Variants in OLFM3 observed in about 807,000 individuals in gnomAD.
OLFM3 encodes olfactomedin 3, also known as noelin-3.
OLFM3 carries 20 observed loss-of-function variants against 48.6 expected under a neutral mutation model. The ratio of observed to expected loss-of-function variants is 0.41; its 90% CI spans 0.29 to 0.60. The LOEUF is 0.60. Among genes scored for constraint, OLFM3 ranks in the 20% least tolerant of loss-of-function variants. OLFM3 has a pLI of 0.28. For synonymous variants in OLFM3, 222 were observed against 198.1 expected (o/e 1.12, Z -1.01); for missense variants, 437 against 544.3 (o/e 0.80, Z 1.96).
chr1:101,847,360 TAA>T (rs200193089), intron 1 of OLFM3, among the ~76,000 whole-genome samples: 1 of 145,216 alleles, frequency 6.9e-6, no homozygotes, highest in Non-Finnish European at 1.5e-5. Context: ...TATCTTTCAT[TAA>T]AAAAAAAAAA....
chr1:101,896,585 C>T (rs1185436477), intron 1 of OLFM3, among the ~76,000 whole-genome samples: 3 of 146,804 alleles, frequency 2.0e-5, no homozygotes, highest in African/African-American at 7.6e-5. Flanking sequence ...AACTCCGCCT[C>T]TCCGGTTCAC....
intron 4 of OLFM3, chr1:101,812,280 C>T (rs1442027617): frequency 7.1e-6 from 2 of 282,982 alleles, no homozygotes; most frequent in Non-Finnish European, 1.1e-5. Context: ...CACAGGTATA[C>T]ATATGTAACA....
chr1:101,880,648 T>A (rs1226388931), intron 1 of OLFM3, among the ~76,000 whole-genome samples: 1 of 151,794 alleles, frequency 6.6e-6, no homozygotes. Context: ...TAGAGGTAGT[T>A]GTTAATAATT....
At chr1:101,894,698 ATTTTATTTTAAATGT>A (rs1658133858) in intron 1 of OLFM3, among the ~76,000 whole-genome samples, 1 of 152,042 alleles carries the variant, frequency 6.6e-6, no homozygotes, top group Admixed American at 6.6e-5. Flanking sequence ...TTCCTCTTAA[ATTTTATTTTAAATGT>A]GTTTCAAAGT....
At chr1:101,960,992 G>A (rs901578855) in intron 1 of OLFM3, among the ~76,000 whole-genome samples, 27 of 152,146 alleles carry the variant, frequency 1.8e-4, no homozygotes, top group African/African-American at 6.0e-4. Flanking sequence ...AGAATAAGTT[G>A]AACAGAAAGA....
At chr1:101,947,597 G>A (rs1262053166) in intron 1 of OLFM3, among the ~76,000 whole-genome samples, 3 of 152,058 alleles carry the variant, frequency 2.0e-5, no homozygotes, top group Non-Finnish European at 4.4e-5. Flanking sequence ...TTGAGACATA[G>A]TAATTTTCTT....
At chr1:101,947,782 G>A (rs1043891990) in intron 1 of OLFM3, among the ~76,000 whole-genome samples, 1 of 152,154 alleles carries the variant, frequency 6.6e-6, no homozygotes, top group Non-Finnish European at 1.5e-5. Flanking sequence ...TTTTCGGTGA[G>A]TTATTTAACT....
rs1002420907 is a variant in OLFM3, at chr1:101,803,467, C to T, written c.*771G>A. The T allele has an allele frequency of 2.0e-5, 3 of 152,028 alleles. No homozygotes were observed. The Admixed American group carries it at 2.0e-4, about 10-fold the overall frequency. 9.4% of individuals were successfully genotyped at this position (152,028 alleles called of 1,614,324 possible). On this transcript the variant is annotated 3_prime_UTR_variant, in exon 6 of 6. Transcript: ENST00000370103. ...CAAAAAACTTGGGGTAAAATAAAGA[C>T]TCTATGTCAGGTGTCTGGTTTGGTT...
chr1:101,993,869 T>G (rs1039636332), intron 1 of OLFM3, among the ~76,000 whole-genome samples: 2 of 151,764 alleles, frequency 1.3e-5, no homozygotes, highest in African/African-American at 4.8e-5. Flanking sequence ...CAATACTGAC[T>G]TTCAAGTAAC....
intron 1 of OLFM3, among the ~76,000 whole-genome samples, chr1:101,861,928 G>C (rs1656672245): frequency 6.6e-6 from 1 of 152,198 alleles, no homozygotes; most frequent in Non-Finnish European, 1.5e-5. Context: ...AGATTGCACA[G>C]CAGAAGCATG....
At chr1:101,980,819 G>C (rs1051353337) in intron 1 of OLFM3, among the ~76,000 whole-genome samples, 1 of 151,992 alleles carries the variant, frequency 6.6e-6, no homozygotes, top group Admixed American at 6.5e-5. Flanking sequence ...GAAGAGAACT[G>C]GGCTAACTAA....
chr1:101,931,952 G>A (rs75059533), intron 1 of OLFM3, among the ~76,000 whole-genome samples: 2,356 of 152,206 alleles, frequency 0.015, 22 homozygotes, highest in African/African-American at 0.021. Context: ...ATCAACTAAA[G>A]GTGACCTACA....
At chr1:101,924,567 G>A (rs1344265803) in intron 1 of OLFM3, among the ~76,000 whole-genome samples, 1 of 152,088 alleles carries the variant, frequency 6.6e-6, no homozygotes, top group Admixed American at 6.6e-5. Flanking sequence ...AAGGATGTTT[G>A]CTTTCTTCAT....
At chr1:101,836,643 T>TA (rs751363922) in intron 2 of OLFM3, among the ~76,000 whole-genome samples, 4 of 151,378 alleles carry the variant, frequency 2.6e-5, no homozygotes, top group African/African-American at 7.3e-5. Flanking sequence ...AGATATATGG[T>TA]AGAGAGCCAG....
intron 1 of OLFM3, among the ~76,000 whole-genome samples, chr1:101,961,473 T>A (rs2152719): frequency 0.99 from 149,977 of 152,116 alleles, 73,974 homozygotes; most frequent in Middle Eastern, 1. Context: ...TATTTTTTAT[T>A]AAAAACTTTT....
rs1402578746 is a variant in OLFM3 at position 101,830,679 on chromosome 1, T to G, written c.365A>C (p.His122Pro). 1.9e-6 allele frequency: 3 copies of G among 1,614,152 alleles called. No homozygotes were observed. Among genetic ancestry groups the G allele is most frequent in the Non-Finnish European group, 2.5e-6 (3 of 1,180,004 alleles). ...TGCAGAAGTCAAACCTACCTGAAAA[T>G]GCTTGGTCATAAGTGTCTTTCGATC... ...EDDRKTLMTK[H>P]FQELKEKMDE... is the part of the protein sequence containing the mutation. The change falls in exon 3 of 6, where the codon CAT (histidine) becomes CCT (proline). Residue 122 changes from histidine to proline, a missense_variant. His to Pro is a moderately conservative substitution (Grantham distance 77). Around this residue, in one of 3 missense-constraint regions of OLFM3, gnomAD observed 314 missense variants for 365.5 expected, o/e 0.86. Coordinates refer to ENST00000370103, the MANE Select transcript of OLFM3 (RefSeq NM_058170.4).
intron 1 of OLFM3, among the ~76,000 whole-genome samples, chr1:101,849,699 G>C (rs1162803531): frequency 6.6e-6 from 1 of 152,176 alleles, no homozygotes; most frequent in Admixed American, 6.5e-5. Flanking sequence ...ATAATAAACT[G>C]TCAGTGAGGT....
chr1:101,891,569 AT>A lies in OLFM3; in HGVS notation c.70-54545del, dbSNP rs200617602. On this transcript the variant is annotated intron_variant, in intron 1 of 5. Transcript: ENST00000370103. ...TGGACCATCCTCTCATTTTTGATGG[AT>A]TTTTTTTTCCCTTAGGTTCAAAAGC... Among the ~76,000 whole-genome samples, 69 of 151,170 alleles carry A rather than the reference AT, an allele frequency of 4.6e-4. 1 individual carries two copies. Among genetic ancestry groups the A allele is most frequent in the East Asian group, 2.9e-3 (15 of 5,144 alleles).
chr1:101,852,092 G>A (rs943133756), intron 1 of OLFM3, among the ~76,000 whole-genome samples: 12 of 151,996 alleles, frequency 7.9e-5, no homozygotes, highest in Non-Finnish European at 1.8e-4. Context: ...TCCCTCTTTA[G>A]CAGATCATTC....
Sources: gnomAD v4.1 joint callset for allele counts (sites outside exome capture counted in the v4.1 genomes callset) on GRCh38, gnomAD v4.1.1 for gene constraint, gnomAD v4.1.1 regional missense constraint, MANE v1.5 for transcripts, NCBI Gene and HGNC (gene_info 2026-07-23, HGNC 2026-07-21) for gene names.